The following ALDH3A1 variants were observed in gnomAD, a reference collection of about 807,000 sequenced individuals.
ALDH3A1 encodes the protein aldehyde dehydrogenase, dimeric NADP-preferring.
ALDH3A1 carries 46 observed loss-of-function variants against 49.9 expected under a neutral mutation model. The observed-to-expected ratio is 0.92, with a 90% CI of 0.73 to 1.18. The LOEUF (loss-of-function observed/expected upper bound fraction) is 1.18. Ranked by LOEUF, ALDH3A1 falls within the 50% of genes most tolerant of loss-of-function variation. The pLI is 0.00. For synonymous variants in ALDH3A1, 269 were observed against 253.3 expected (o/e 1.06, Z -0.59); for missense variants, 592 against 611.8 (o/e 0.97, Z 0.34).
Position 19,743,978 on chromosome 17 carries a change from G to C in ALDH3A1, c.163-515C>G. The C allele has an allele frequency of 1.0e-6, 1 of 985,330 alleles. No homozygotes were observed. Among genetic ancestry groups the C allele is most frequent in the African/African-American group, 1.7e-5 (1 of 57,322 alleles). The allele number at this position is 985,330 out of a possible 1,614,324, so 61.0% of individuals were successfully genotyped here. A position where few individuals can be genotyped will look rare whatever the true frequency, so the allele number is the denominator to read the frequency against. On this transcript the variant is annotated intron_variant, in intron 2 of 10. Transcript: ENST00000225740. The surrounding 1 kb of genome is among the most constrained non-coding windows in gnomAD (Gnocchi z 4.4). ...AGGGGTGAGAAGAGGAGATGCAGAC[G>C]GCGGAAAACGCGTCTCTTTTATAAA...
chr17:19,739,744 A>C, intron 7 of ALDH3A1, 70 bp from the exon 8 acceptor site: 1 of 1,551,284 alleles, frequency 6.4e-7, no homozygotes, highest in South Asian at 1.2e-5. Context: ...GCAAGCACCT[A>C]GACCCCTGCT....
At chr17:19,746,634 TGTGC>T (rs2086599348) in intron 1 of ALDH3A1, among the ~76,000 whole-genome samples, 2 of 141,488 alleles carry the variant, frequency 1.4e-5, no homozygotes, top group South Asian at 2.1e-4. Context: ...CGTGTGTGTG[TGTGC>T]GTGTGCGTGT....
At chr17:19,739,265 A>G (rs2086445709) in intron 8 of ALDH3A1, among the ~76,000 whole-genome samples, 170 bp from the exon 9 acceptor site, 1 of 152,212 alleles carries the variant, frequency 6.6e-6, no homozygotes, top group South Asian at 2.1e-4. Context: ...TGTCAGCACC[A>G]CATGAGCAAA....
chr17:19,743,599 G>T lies in ALDH3A1; in HGVS notation c.163-136C>A, dbSNP rs1435721592. 1.4e-6 allele frequency: 2 copies of T among 1,448,534 alleles called. No homozygotes were observed. The highest frequency in any genetic ancestry group is 1.4e-5 in the African/African-American group (1 of 70,102). 89.7% of individuals were successfully genotyped at this position (1,448,534 alleles called of 1,614,324 possible). On this transcript the variant is annotated intron_variant, in intron 2 of 10. Coordinates refer to ENST00000225740, the MANE Select transcript of ALDH3A1 (RefSeq NM_000691.5). This position sits in a 1 kb window ranked among gnomAD's most constrained non-coding sequence, Gnocchi z 4.4. Reference sequence around the variant, plus strand: ...CCCAGGGTGGGGGCAGCCGCAGAAGGCTCCCAGGGGAAGCAGAGCCAGGAT... The same window carrying T: ...CCCAGGGTGGGGGCAGCCGCAGAAGTCTCCCAGGGGAAGCAGAGCCAGGAT...
intron 6 of ALDH3A1, 54 bp from the exon 7 acceptor site, chr17:19,740,531 A>C: frequency 6.3e-7 from 1 of 1,599,978 alleles, no homozygotes; most frequent in South Asian, 1.1e-5. Context: ...CGTCCTGCCC[A>C]AAGGCTGCAC....
Position 19,743,781 on chromosome 17 carries a change from T to C in ALDH3A1, c.163-318A>G, listed in dbSNP as rs143739303. ...ATAGAGCCGGGCAGGGGAGAGTAGA[T>C]TCAGGCAGTGGGAATGGATCCGGGG... On this transcript the variant is annotated intron_variant, in intron 2 of 10. Coordinates refer to ENST00000225740, the MANE Select transcript of ALDH3A1 (RefSeq NM_000691.5). The surrounding 1 kb of genome is among the most constrained non-coding windows in gnomAD (Gnocchi z 4.4). 1.7e-3 allele frequency: 1,684 copies of C among 968,610 alleles called. 22 individuals carry two copies. In the African/African-American group the frequency reaches 0.028, roughly 16 times the overall value. 60.0% of individuals were successfully genotyped at this position (968,610 alleles called of 1,614,324 possible).
intron 2 of ALDH3A1, chr17:19,744,119 C>T (rs2086554529): frequency 2.0e-6 from 2 of 985,148 alleles, no homozygotes; most frequent in South Asian, 9.4e-5. Context: ...AGTAGCAGGC[C>T]CGGCGCTGTG....
chr17:19,738,596 A>G, intron 9 of ALDH3A1, 143 bp from the exon 10 acceptor site: 1 of 1,269,694 alleles, frequency 7.9e-7, no homozygotes, highest in South Asian at 1.4e-5. Flanking sequence ...CTTCCCTCAA[A>G]TCCTATGGCC....
At chr17:19,741,311 G>T in intron 5 of ALDH3A1, 101 bp from the exon 6 acceptor site, 1 of 1,029,370 alleles carries the variant, frequency 9.7e-7, no homozygotes, top group Non-Finnish European at 1.5e-6. Flanking sequence ...GCCATCGGCT[G>T]TGACCTTGCC....
rs564024276 is a variant in ALDH3A1 at position 19,738,172 on chromosome 17, G to A, written c.*49C>T. 99 of 1,612,844 alleles carry A rather than the reference G, an allele frequency of 6.1e-5. No homozygotes were observed. Among genetic ancestry groups the A allele is most frequent in the Admixed American group, 1.2e-4 (7 of 60,024 alleles). On this transcript the variant is annotated 3_prime_UTR_variant, in exon 11 of 11. Coordinates refer to ENST00000225740, the MANE Select transcript of ALDH3A1 (RefSeq NM_000691.5). ...CCAGGAGAGCCAGTGAGGGTGGTCCGCACTCCGATGGGACACAGTATGGCC... is the reference window on the plus strand; with the variant it reads ...CCAGGAGAGCCAGTGAGGGTGGTCCACACTCCGATGGGACACAGTATGGCC...
rs202169896 is a variant in ALDH3A1 at position 19,739,589 on chromosome 17, C to A, written c.1035G>T (p.Val345=). Residue 345 remains valine, a synonymous_variant, in exon 8 of 11, where the codon GTG becomes GTT. Transcript: ENST00000225740. ...IFGPVLPIVC[V]RSLEEAIQFI... is the part of the protein sequence containing the mutation. ...ACTGGATGGCCTCCTCCAGGCTGCG[C>A]ACGCACACGATGGGCAGCACAGGCC... The A allele has an allele frequency of 6.2e-7, 1 of 1,613,848 alleles. No homozygotes were observed. The highest frequency in any genetic ancestry group is 1.3e-5 in the African/African-American group (1 of 74,952).
intron 1 of ALDH3A1, among the ~76,000 whole-genome samples, chr17:19,746,135 A>G (rs1051941865): frequency 1.3e-5 from 2 of 152,210 alleles, no homozygotes; most frequent in African/African-American, 4.8e-5. Context: ...CTATAATCCT[A>G]GCAAACACTT....
Position 19,739,530 on chromosome 17 carries a change from T to C in ALDH3A1, c.1094A>G (p.Tyr365Cys). 1.2e-6 allele frequency: 2 copies of C among 1,612,052 alleles called. No homozygotes were observed. Among genetic ancestry groups the C allele is most frequent in the South Asian group, 1.1e-5 (1 of 90,280 alleles). ...CACCTTGTCGTTGCTGGAGAACATG[T>C]AGAGGGCCAGGGGCTTCTCACGCTG... is the stretch of plus-strand genomic sequence containing the variant. Reference protein sequence around the residue: ...INQREKPLALYMFSSNDKVIK... With the variant: ...INQREKPLALCMFSSNDKVIK... Residue 365 changes from tyrosine (Y) to cysteine (C), a missense_variant, in exon 8 of 11, where the codon TAC becomes TGC. Coordinates refer to ENST00000225740, the MANE Select transcript of ALDH3A1 (RefSeq NM_000691.5).
Position 19,744,962 on chromosome 17 carries a change from G to C in ALDH3A1, c.162+6C>G. ...CTGGCAGAAGGCGGCCGCCCAGCCTGAGCACCTTGTGCAGGTCTGCGGCCA... is the reference window on the plus strand; with the variant it reads ...CTGGCAGAAGGCGGCCGCCCAGCCTCAGCACCTTGTGCAGGTCTGCGGCCA... On this transcript the variant is annotated splice_donor_region_variant and intron_variant, in intron 2 of 10. Coordinates refer to ENST00000225740, the MANE Select transcript of ALDH3A1 (RefSeq NM_000691.5). The C allele has an allele frequency of 7.6e-7, 1 of 1,315,500 alleles. No individual in the cohort carries two copies. Among genetic ancestry groups the C allele is most frequent in the Non-Finnish European group, 9.8e-7 (1 of 1,017,192 alleles). 81.5% of individuals were successfully genotyped at this position (1,315,500 alleles called of 1,614,324 possible).
In ALDH3A1 at chr17:19,744,905, C is replaced by CG. The variant is rs1567655770; in HGVS notation, c.162+62_162+63insC. On this transcript the variant is annotated intron_variant, in intron 2 of 10. Transcript: ENST00000225740. ...CTCTGGGTCGCACTCTCCCCAGCCC[C>CG]TCCCCCCACGCCCCATCGCATGGCC... is the stretch of plus-strand genomic sequence containing the variant. 6.6e-5 allele frequency: 43 copies of CG among 651,272 alleles called. 4 individuals are homozygous for CG. In the South Asian group the frequency reaches 1.0e-3, roughly 15 times the overall value. 40.3% of individuals were successfully genotyped at this position (651,272 alleles called of 1,614,324 possible).
intron 9 of ALDH3A1, 80 bp downstream of exon 9, chr17:19,738,914 GGT>G: frequency 7.7e-7 from 1 of 1,293,190 alleles, no homozygotes. Context: ...GGCTGCAGGA[GGT>G]GGTCCCTCCT....
intron 10 of ALDH3A1, 41 bp from the exon 11 acceptor site, chr17:19,738,276 T>C (rs745422678): frequency 1.2e-6 from 2 of 1,614,006 alleles, no homozygotes. Flanking sequence ...CCCCAGGCCC[T>C]GGTCCCGCAC....
At position 19,739,608 on chromosome 17, in the gene ALDH3A1, A is replaced by G; in HGVS notation, c.1016T>C (p.Val339Ala). The G allele has an allele frequency of 6.2e-7, 1 of 1,614,020 alleles. No individual in the cohort carries two copies. The highest frequency in any genetic ancestry group is 1.3e-5 in the African/African-American group (1 of 75,066). ...PVMQEEIFGP[V>A]LPIVCVRSLE... Reference sequence around the variant, plus strand: ...GCTGCGCACGCACACGATGGGCAGCACAGGCCCGAAGATCTCCTCTTGCAT... The same window carrying G: ...GCTGCGCACGCACACGATGGGCAGCGCAGGCCCGAAGATCTCCTCTTGCAT... The change falls in exon 8 of 11, where the codon GTG becomes GCG. Residue 339 changes from valine (V) to alanine (A), a missense_variant. Coordinates refer to ENST00000225740, the MANE Select transcript of ALDH3A1 (RefSeq NM_000691.5).
chr17:19,744,849 G>T lies in ALDH3A1; in HGVS notation c.162+119C>A. On this transcript the variant is annotated intron_variant, in intron 2 of 10. Coordinates refer to ENST00000225740, the MANE Select transcript of ALDH3A1 (RefSeq NM_000691.5). ...GTGCGCCCAGTCTCCGCGACCGAGG[G>T]GCCAGGTGGCCCCAAGTCCTTCCTG... The T allele has an allele frequency of 4.4e-6, 6 of 1,360,582 alleles. No homozygotes were observed. The South Asian group carries it at 8.1e-5, about 18-fold the overall frequency. 84.3% of individuals were successfully genotyped at this position (1,360,582 alleles called of 1,614,324 possible).
Sources: gnomAD v4.1 joint callset for allele counts (sites outside exome capture counted in the v4.1 genomes callset) on GRCh38, gnomAD v4.1.1 for gene constraint, Gnocchi (gnomAD v3.1) non-coding constraint, MANE v1.5 for transcripts, NCBI Gene and HGNC (gene_info 2026-07-23, HGNC 2026-07-21) for gene names.